The following SYPL1 variants were observed in gnomAD, a reference collection of about 807,000 sequenced individuals.
SYPL1 encodes synaptophysin-like protein 1.
In SYPL1, 6 loss-of-function variants were observed where a neutral mutation model predicts 23.7. The observed-to-expected ratio is 0.25, with a 90% confidence interval of 0.14 to 0.50. SYPL1 has a LOEUF of 0.50. Among genes scored for constraint, SYPL1 ranks in the 20% least tolerant of loss-of-function variants. The pLI, the probability that SYPL1 is intolerant of heterozygous loss-of-function variation, is 0.98. For synonymous variants in SYPL1, 102 were observed against 104.5 expected (o/e 0.98, Z 0.15); for missense variants, 253 against 288.9 (o/e 0.88, Z 0.90).
chr7:106,107,260 C>T lies in SYPL1; in HGVS notation c.69+4880G>A, dbSNP rs558673261. Among the ~76,000 whole-genome samples the T allele has an allele frequency of 5.4e-4, 82 of 151,966 alleles. No homozygotes were observed. In the South Asian group the frequency reaches 0.013, roughly 25 times the overall value. Reference sequence around the variant, plus strand: ...GGTATGATTTTTATGAGTCAAAGTCCAAAATGTTTACTAAAGTTATTCATT... The same window carrying T: ...GGTATGATTTTTATGAGTCAAAGTCTAAAATGTTTACTAAAGTTATTCATT... On this transcript the variant is annotated intron_variant, in intron 1 of 4. Coordinates refer to ENST00000455385, the MANE Select transcript of SYPL1 (RefSeq NM_182715.4).
Position 106,100,206 on chromosome 7 carries a change from T to C in SYPL1, c.70-924A>G, listed in dbSNP as rs139792250. Among the ~76,000 whole-genome samples, 74 of 152,354 alleles carry C rather than the reference T, an allele frequency of 4.9e-4. No individual in the cohort carries two copies. Among genetic ancestry groups the C allele is most frequent in the Middle Eastern group, 3.4e-3 (1 of 292 alleles). On this transcript the variant is annotated intron_variant, in intron 1 of 4. Transcript: ENST00000455385. The surrounding 1 kb of genome is among the most constrained non-coding windows in gnomAD (Gnocchi z 5.1). ...GTCTCAAAAAGTTGTTGGAAACTTA[T>C]TTTCCTAATCATGTATATGCTTAAA...
chr7:106,102,927 A>AT (rs914115225), intron 1 of SYPL1, among the ~76,000 whole-genome samples: 90 of 151,846 alleles, frequency 5.9e-4, no homozygotes, highest in Admixed American at 3.2e-3. Context: ...AGAATTTAAG[A>AT]TTTTTTTTTG....
chr7:106,112,478 C>T, upstream of SYPL1: 1 of 1,516,446 alleles, frequency 6.6e-7, no homozygotes, highest in Non-Finnish European at 8.8e-7. Flanking sequence ...TCAGGCCGCA[C>T]CTGGCCGAGT....
At chr7:106,102,926 GA>G (rs1840402873) in intron 1 of SYPL1, among the ~76,000 whole-genome samples, 4 of 152,022 alleles carry the variant, frequency 2.6e-5, no homozygotes. Context: ...GAGAATTTAA[GA>G]TTTTTTTTTG....
At chr7:106,093,558 A>T (rs1172811393) in intron 3 of SYPL1, among the ~76,000 whole-genome samples, 10 of 67,764 alleles carry the variant, frequency 1.5e-4, no homozygotes, top group Non-Finnish European at 2.8e-4. Context: ...CCCAATCCTA[A>T]AACTCCTTTG....
At position 106,096,549 on chromosome 7, in the gene SYPL1, T is replaced by C. The variant is rs1445377158; in HGVS notation, c.402+1141A>G. On this transcript the variant is annotated intron_variant, in intron 3 of 4. Coordinates refer to ENST00000455385, the MANE Select transcript of SYPL1 (RefSeq NM_182715.4). The surrounding 1 kb of genome is among the most constrained non-coding windows in gnomAD (Gnocchi z 4.4). ...TGGAGGTGTAGCTTAAAACCATGAT[T>C]TCTCTCTGGATTTGCCACCAATAAT... Among the ~76,000 whole-genome samples the C allele has an allele frequency of 2.0e-5, 3 of 152,204 alleles. No individual in the cohort carries two copies. The highest frequency in any genetic ancestry group is 7.2e-5 in the African/African-American group (3 of 41,444).
chr7:106,097,730 T>C lies in SYPL1; in HGVS notation c.362A>G (p.Tyr121Cys), dbSNP rs1186425312. 2 of 1,613,888 alleles carry C rather than the reference T, an allele frequency of 1.2e-6. No individual in the cohort carries two copies. The highest frequency in any genetic ancestry group is 1.1e-5 in the South Asian group (1 of 91,062). Residue 121 changes from tyrosine (Y) to cysteine (C), a missense_variant, in exon 3 of 5, where the codon TAC becomes TGC. Physicochemically the swap from Tyr to Cys is radical, Grantham distance 194. Coordinates refer to ENST00000455385, the MANE Select transcript of SYPL1 (RefSeq NM_182715.4). This position sits in a 1 kb window ranked among gnomAD's most constrained non-coding sequence, Gnocchi z 4.6. ...ACGACTATCCAGATACAGACTCGTGTAGCCAACATAAAGCAGAAGGGCAGC... is the reference window on the plus strand; with the variant it reads ...ACGACTATCCAGATACAGACTCGTGCAGCCAACATAAAGCAGAAGGGCAGC... ...CIAALLLYVG[Y>C]TSLYLDSRKL...
intron 1 of SYPL1, 79 bp from the exon 2 acceptor site, chr7:106,099,361 T>G: frequency 6.8e-7 from 1 of 1,468,716 alleles, no homozygotes. Context: ...TCACTAAAAC[T>G]GTAAGCACAC....
chr7:106,112,121 C>T lies in SYPL1; in HGVS notation c.69+19G>A, dbSNP rs1350600099. 1.4e-6 allele frequency: 2 copies of T among 1,446,178 alleles called. No individual in the cohort carries two copies. Among genetic ancestry groups the T allele is most frequent in the Non-Finnish European group, 1.8e-6 (2 of 1,084,044 alleles). The allele number at this position is 1,446,178 out of a possible 1,614,324, so 89.6% of individuals were successfully genotyped here. On this transcript the variant is annotated intron_variant, in intron 1 of 4. Transcript: ENST00000455385. ...GCGCCGAGCGGCAGGCGGGCCTGGC[C>T]GGCGCGGGCTGCACTCACCCACTCG...
chr7:106,095,625 T>G lies in SYPL1; in HGVS notation c.402+2065A>C, dbSNP rs1839981204. Among the ~76,000 whole-genome samples, 1 of 152,224 alleles carries G rather than the reference T, an allele frequency of 6.6e-6. No homozygotes were observed. Among genetic ancestry groups the G allele is most frequent in the South Asian group, 2.1e-4 (1 of 4,830 alleles). ...CCTCGGCCTCCCAAAGTGCTGGGAT[T>G]ACAGGCATGACCCACTGCACCCAGT... On this transcript the variant is annotated intron_variant, in intron 3 of 4. Coordinates refer to ENST00000455385, the MANE Select transcript of SYPL1 (RefSeq NM_182715.4). This position sits in a 1 kb window ranked among gnomAD's most constrained non-coding sequence, Gnocchi z 4.3.
intron 1 of SYPL1, among the ~76,000 whole-genome samples, chr7:106,099,660 C>T (rs1263535453): frequency 6.6e-6 from 1 of 152,100 alleles, no homozygotes; most frequent in African/African-American, 2.4e-5. Flanking sequence ...TCCCAAAATG[C>T]TGGGATTACA....
intron 1 of SYPL1, among the ~76,000 whole-genome samples, 153 bp from the exon 2 acceptor site, chr7:106,099,435 A>G (rs568150140): frequency 6.6e-6 from 1 of 152,330 alleles, no homozygotes; most frequent in Non-Finnish European, 1.5e-5. Flanking sequence ...TCTGTCGCCC[A>G]GACTGGAGTA....
intron 1 of SYPL1, among the ~76,000 whole-genome samples, chr7:106,102,308 C>A (rs544528136): frequency 5.0e-4 from 76 of 152,280 alleles, no homozygotes; most frequent in South Asian, 2.1e-3. Flanking sequence ...GTTGGTAAGG[C>A]CAGTCTCGAG....
chr7:106,108,151 A>C (rs1036563726), intron 1 of SYPL1, among the ~76,000 whole-genome samples: 3 of 151,806 alleles, frequency 2.0e-5, no homozygotes, highest in African/African-American at 7.3e-5. Context: ...CCGAGACCAC[A>C]CTACTGCACT....
intron 1 of SYPL1, among the ~76,000 whole-genome samples, chr7:106,110,439 T>A (rs1790085434): frequency 6.6e-6 from 1 of 152,234 alleles, no homozygotes; most frequent in Admixed American, 6.5e-5. Context: ...TACACCTTTA[T>A]CACAGTTTAT....
chr7:106,092,419 T>C (rs1262414288), intron 4 of SYPL1: 1 of 226,104 alleles, frequency 4.4e-6, no homozygotes, highest in Non-Finnish European at 8.9e-6. Context: ...ATGCCAGTAA[T>C]CCCAGCACTT....
chr7:106,102,234 T>TA (rs1840362465), intron 1 of SYPL1, among the ~76,000 whole-genome samples: 1 of 152,012 alleles, frequency 6.6e-6, no homozygotes, highest in African/African-American at 2.4e-5. Context: ...CAGGGGTAAT[T>TA]ACAGGTGCCT....
intron 1 of SYPL1, among the ~76,000 whole-genome samples, chr7:106,107,075 C>A (rs1563342287): frequency 1.3e-5 from 2 of 152,074 alleles, no homozygotes; most frequent in Admixed American, 6.6e-5. Flanking sequence ...AAAGTGATAA[C>A]TGAAATCTTC....
chr7:106,107,906 A>G (rs1840690678), intron 1 of SYPL1, among the ~76,000 whole-genome samples: 1 of 151,898 alleles, frequency 6.6e-6, no homozygotes, highest in Non-Finnish European at 1.5e-5. Context: ...TTTAAAAATC[A>G]TTTATCAGCC....
Sources: gnomAD v4.1 joint callset for allele counts (sites outside exome capture counted in the v4.1 genomes callset) on GRCh38, gnomAD v4.1.1 for gene constraint, Gnocchi (gnomAD v3.1) non-coding constraint, MANE v1.5 for transcripts, NCBI Gene and HGNC (gene_info 2026-07-23, HGNC 2026-07-21) for gene names.